Variants in KIAA1143 observed in about 807,000 individuals in gnomAD.
KIAA1143 encodes KIAA1143.
A neutral mutation model predicts 17.0 loss-of-function variants in KIAA1143; 8 were observed. That is an observed-to-expected ratio of 0.47 (90% confidence interval 0.28 to 0.85). The LOEUF (loss-of-function observed/expected upper bound fraction) is 0.85. Ranked by LOEUF, KIAA1143 falls within the 40% of genes least tolerant of loss-of-function variation. KIAA1143 has a pLI of 0.12. For synonymous variants in KIAA1143, 64 were observed against 67.8 expected, an observed-to-expected ratio of 0.94 and a Z score of 0.27; for missense variants, 162 against 183.3, an observed-to-expected ratio of 0.88 and a Z score of 0.67.
chr3:44,761,452 G>A (rs753374229), intron 1 of KIAA1143, 43 bp downstream of exon 1: 4 of 1,489,066 alleles, frequency 2.7e-6, no homozygotes, highest in Admixed American at 3.7e-5. Flanking sequence ...GAAAGTGGCG[G>A]GCTGGCTGCG....
chr3:44,752,046 C>T lies in KIAA1143; in HGVS notation c.*1295G>A, dbSNP rs945711982. 2.0e-5 allele frequency: 3 copies of T among 152,094 alleles called. No homozygotes were observed. Among genetic ancestry groups the T allele is most frequent in the Non-Finnish European group, 4.4e-5 (3 of 68,030 alleles). 9.4% of individuals were successfully genotyped at this position (152,094 alleles called of 1,614,324 possible). The stretch of plus-strand genomic sequence containing the variant: ...GGAACCTAAGGCTGATTCACATTGA[C>T]TTCCTAGAACTGAATCAAAAGGAAA... On this transcript the variant is annotated 3_prime_UTR_variant, in exon 3 of 3. Transcript: ENST00000296121.
intron 1 of KIAA1143, among the ~76,000 whole-genome samples, chr3:44,757,060 C>T (rs983468072): frequency 2.0e-5 from 3 of 152,066 alleles, no homozygotes; most frequent in Non-Finnish European, 2.9e-5. Context: ...CATAAATAAG[C>T]GAAAATCACT....
rs564765476 is a variant in KIAA1143, at chr3:44,757,400, T to C, written c.109-3032A>G. ...ACATACAGTCCATGACTCTCAAATC[T>C]CTACACCTTTACCCATGCCATTCTC... On this transcript the variant is annotated intron_variant, in intron 1 of 2. Transcript: ENST00000296121. Among the ~76,000 whole-genome samples the C allele has an allele frequency of 1.6e-4, 24 of 152,274 alleles. No individual in the cohort carries two copies. The East Asian group carries it at 3.9e-3, about 24-fold the overall frequency.
In KIAA1143 at chr3:44,753,434, A is replaced by C; in HGVS notation, c.372T>G (p.Asp124Glu). The change falls in exon 3 of 3, where the codon GAT becomes GAG. Residue 124 changes from aspartate to glutamate, a missense_variant. Physicochemically the swap from Asp to Glu is conservative, Grantham distance 45. This residue lies in a region of KIAA1143 where 25 missense variants were observed against 50.8 expected (regional missense o/e 0.49). Coordinates refer to ENST00000296121, the MANE Select transcript of KIAA1143 (RefSeq NM_020696.4). ...TTTTGACCGAGTCCTGATTTACTTC[A>C]TCTTCATTTGGCTTCTTCTTTTTTG... ...ASSKKKKPNE[D>E]EVNQDSVKKN... 1 of 1,598,758 alleles carries C rather than the reference A, an allele frequency of 6.3e-7. No homozygotes were observed. Among genetic ancestry groups the C allele is most frequent in the Non-Finnish European group, 8.6e-7 (1 of 1,166,474 alleles).
intron 2 of KIAA1143, 90 bp downstream of exon 2, chr3:44,754,134 T>G (rs185618983): frequency 1.4e-6 from 2 of 1,393,254 alleles, no homozygotes; most frequent in East Asian, 4.6e-5. Flanking sequence ...ACTGCCACCT[T>G]GAAACACACC....
chr3:44,758,254 G>A (rs375164462), intron 1 of KIAA1143, among the ~76,000 whole-genome samples: 2 of 152,154 alleles, frequency 1.3e-5, no homozygotes, highest in East Asian at 3.9e-4. Context: ...AAGGCGGGGT[G>A]GCTGTGGCAA....
intron 1 of KIAA1143, among the ~76,000 whole-genome samples, chr3:44,759,328 T>C (rs1174175187): frequency 6.6e-6 from 1 of 152,172 alleles, no homozygotes; most frequent in Non-Finnish European, 1.5e-5. Flanking sequence ...CAATAATATA[T>C]TGAAAGAATC....
intron 1 of KIAA1143, among the ~76,000 whole-genome samples, chr3:44,754,714 T>G (rs1166101111): frequency 6.6e-6 from 1 of 152,148 alleles, no homozygotes; most frequent in African/African-American, 2.4e-5. Context: ...CATCAGCACT[T>G]TTTGCCTGTC....
Position 44,761,488 on chromosome 3 carries a change from G to A in KIAA1143, c.108+7C>T. ...CTTCCGAAGAAACACGACTGGCGAA[G>A]GCTCACCTTAGTCTCTACGGTGGGT... On this transcript the variant is annotated splice_region_variant and intron_variant, in intron 1 of 2. Coordinates refer to ENST00000296121, the MANE Select transcript of KIAA1143 (RefSeq NM_020696.4). The A allele has an allele frequency of 6.2e-7, 1 of 1,606,242 alleles. No homozygotes were observed. Among genetic ancestry groups the A allele is most frequent in the Non-Finnish European group, 8.5e-7 (1 of 1,174,784 alleles).
Position 44,754,281 on chromosome 3 carries a change from C to G in KIAA1143, c.196G>C (p.Asp66His), listed in dbSNP as rs1559510697. The G allele has an allele frequency of 6.2e-7, 1 of 1,614,084 alleles. No individual in the cohort carries two copies. The highest frequency in any genetic ancestry group is 8.5e-7 in the Non-Finnish European group (1 of 1,179,954). ...QPQVVVLKKG[D>H]LSVEEVMKIK... is the part of the protein sequence containing the mutation. Reference sequence around the variant, plus strand: ...TTCATGACTTCTTCAACTGACAGGTCTCCCTTTTTTAAAACCACCACTTGA... The same window carrying G: ...TTCATGACTTCTTCAACTGACAGGTGTCCCTTTTTTAAAACCACCACTTGA... The change falls in exon 2 of 3, where the codon GAC becomes CAC. Residue 66 changes from aspartate (D) to histidine (H), a missense_variant. Physicochemically the swap from Asp to His is moderately conservative, Grantham distance 81. Coordinates refer to ENST00000296121, the MANE Select transcript of KIAA1143 (RefSeq NM_020696.4).
At position 44,754,233 on chromosome 3, in the gene KIAA1143, C is replaced by T; in HGVS notation, c.244G>A (p.Ala82Thr). The T allele has an allele frequency of 6.2e-7, 1 of 1,613,210 alleles. No individual in the cohort carries two copies. The highest frequency in any genetic ancestry group is 8.5e-7 in the Non-Finnish European group (1 of 1,179,940). ...TTACTTTTAGACCTACCTGCTTTGG[C>T]AGCCTTTATTTCTGCTTTAATTTTC... Reference protein sequence around the residue: ...VMKIKAEIKAAKADEEPTPAD... With the variant: ...VMKIKAEIKATKADEEPTPAD... Residue 82 changes from alanine (A) to threonine (T), a missense_variant, in exon 2 of 3, where the codon GCC (alanine) becomes ACC (threonine). Coordinates refer to ENST00000296121, the MANE Select transcript of KIAA1143 (RefSeq NM_020696.4).
At chr3:44,753,726 A>G (rs1704925802) in intron 2 of KIAA1143, 174 bp from the exon 3 acceptor site, 1 of 191,334 alleles carries the variant, frequency 5.2e-6, no homozygotes, top group South Asian at 1.8e-4. Context: ...CAGTTACTTA[A>G]TAAAAACTCA....
Position 44,752,347 on chromosome 3 carries a change from A to C in KIAA1143, c.*994T>G, listed in dbSNP as rs1475482141. The C allele has an allele frequency of 6.6e-6, 1 of 150,958 alleles. No homozygotes were observed. The highest frequency in any genetic ancestry group is 1.5e-5 in the Non-Finnish European group (1 of 67,498). 9.4% of individuals were successfully genotyped at this position (150,958 alleles called of 1,614,324 possible). On this transcript the variant is annotated 3_prime_UTR_variant, in exon 3 of 3. Transcript: ENST00000296121. ...GGTGTACGCCAAGTAACCAATGGCA[A>C]ACCTCTAGAGGATATTCATTGCTTT...
intron 1 of KIAA1143, among the ~76,000 whole-genome samples, chr3:44,760,405 T>G (rs1395548959): frequency 1.3e-5 from 2 of 152,234 alleles, no homozygotes; most frequent in Non-Finnish European, 2.9e-5. Flanking sequence ...TTTTCTTTTT[T>G]TTGAGACGGA....
In KIAA1143 at chr3:44,752,443, A is replaced by C. The variant is rs1461470528; in HGVS notation, c.*898T>G. On this transcript the variant is annotated 3_prime_UTR_variant, in exon 3 of 3. Transcript: ENST00000296121. ...ACCCTCCACCAGTAACAGTTTGACCAGTTATTTATTGTATTACTTAGGACT... is the reference window on the plus strand; with the variant it reads ...ACCCTCCACCAGTAACAGTTTGACCCGTTATTTATTGTATTACTTAGGACT... 1 of 152,170 alleles carries C rather than the reference A, an allele frequency of 6.6e-6. No homozygotes were observed. The highest frequency in any genetic ancestry group is 1.5e-5 in the Non-Finnish European group (1 of 68,040). The allele number at this position is 152,170 out of a possible 1,614,324, so 9.4% of individuals were successfully genotyped here.
At chr3:44,756,529 T>C (rs1704976392) in intron 1 of KIAA1143, among the ~76,000 whole-genome samples, 1 of 152,162 alleles carries the variant, frequency 6.6e-6, no homozygotes, top group Admixed American at 6.5e-5. Flanking sequence ...AGTCACTGCA[T>C]TTCAGCCTAA....
In KIAA1143 at chr3:44,754,217, G is replaced by T; in HGVS notation, c.253+7C>A. 1 of 1,612,310 alleles carries T rather than the reference G, an allele frequency of 6.2e-7. No individual in the cohort carries two copies. The highest frequency in any genetic ancestry group is 1.1e-5 in the South Asian group (1 of 90,980). ...TGTTAGAAAAACCAGATTACTTTTA[G>T]ACCTACCTGCTTTGGCAGCCTTTAT... is the stretch of plus-strand genomic sequence containing the variant. On this transcript the variant is annotated splice_region_variant and intron_variant, in intron 2 of 2. Coordinates refer to ENST00000296121, the MANE Select transcript of KIAA1143 (RefSeq NM_020696.4).
intron 1 of KIAA1143, among the ~76,000 whole-genome samples, chr3:44,759,155 C>T (rs750540826): frequency 3.3e-5 from 5 of 152,186 alleles, no homozygotes; most frequent in Admixed American, 1.3e-4. Context: ...TGAGCCATTG[C>T]GCCTGGCTGT....
Position 44,761,389 on chromosome 3 carries a change from C to T in KIAA1143, c.108+106G>A, listed in dbSNP as rs531905001. The stretch of plus-strand genomic sequence containing the variant: ...GTTCCACCGGAATTGGGTTCGAGCG[C>T]GGGTGAAAAGAGGGACCCGACAGCA... On this transcript the variant is annotated intron_variant, in intron 1 of 2. Transcript: ENST00000296121. 13 of 806,586 alleles carry T rather than the reference C, an allele frequency of 1.6e-5. No individual in the cohort carries two copies. The East Asian group carries it at 3.2e-4, about 20-fold the overall frequency. The allele number at this position is 806,586 out of a possible 1,614,324, so 50.0% of individuals were successfully genotyped here.
Sources: gnomAD v4.1 joint callset for allele counts (sites outside exome capture counted in the v4.1 genomes callset) on GRCh38, gnomAD v4.1.1 for gene constraint, gnomAD v4.1.1 regional missense constraint, MANE v1.5 for transcripts, NCBI Gene and HGNC (gene_info 2026-07-23, HGNC 2026-07-21) for gene names.